Variants in MYO16 observed in about 807,000 individuals in gnomAD.
MYO16 encodes myosin XVI.
A neutral mutation model predicts 205.3 loss-of-function variants in MYO16; 94 were observed. That is an observed-to-expected ratio of 0.46 (90% confidence interval 0.39 to 0.54). The LOEUF is 0.54. MYO16 is among the 20% of genes least tolerant of loss of function. The pLI, the probability that MYO16 is intolerant of heterozygous loss-of-function variation, is 0.00. For synonymous variants in MYO16, 988 were observed against 954.0 expected, an observed-to-expected ratio of 1.04 and a Z score of -0.66; for missense variants, 2,315 against 2,387.5, an observed-to-expected ratio of 0.97 and a Z score of 0.63.
the MYO16 span, among the ~76,000 whole-genome samples, chr13:108,580,497 G>A: frequency 1.1e-4 from 16 of 151,942 alleles, no homozygotes; most frequent in Non-Finnish European, 2.2e-4. Context: ...CTCTTTTTGC[G>A]CTCAATTTAT....
intron 4 of MYO16, among the ~76,000 whole-genome samples, chr13:108,765,835 A>C (rs1885760797): frequency 6.6e-6 from 1 of 152,164 alleles, no homozygotes; most frequent in Admixed American, 6.5e-5. Flanking sequence ...CGTGTTCTAC[A>C]TCACTATTTA....
the MYO16 span, among the ~76,000 whole-genome samples, chr13:108,496,029 C>T: frequency 6.6e-6 from 1 of 152,130 alleles, no homozygotes. Context: ...TGTTCTGCAC[C>T]GCCGGGCTGG....
the MYO16 span, among the ~76,000 whole-genome samples, chr13:108,554,983 C>CTTAT: frequency 6.6e-5 from 10 of 151,526 alleles, no homozygotes; most frequent in Non-Finnish European, 1.2e-4. Context: ...ATACAGAAAC[C>CTTAT]TTATTTATTT....
Position 108,844,339 on chromosome 13 carries a change from G to A in MYO16, c.1098-4G>A, listed in dbSNP as rs751957724. 2.5e-6 allele frequency: 4 copies of A among 1,598,268 alleles called. No homozygotes were observed. In the South Asian group the frequency reaches 4.5e-5, roughly 18 times the overall value. ...AATTGTAGTATTGATTTTTTTTCCTGTAGCAGTCCCCTGGTGTTACCAATT... is the reference window on the plus strand; with the variant it reads ...AATTGTAGTATTGATTTTTTTTCCTATAGCAGTCCCCTGGTGTTACCAATT... On this transcript the variant is annotated splice_polypyrimidine_tract_variant and splice_region_variant and intron_variant, in intron 9 of 34. Coordinates refer to ENST00000457511, the MANE Select transcript of MYO16 (RefSeq NM_001198950.3).
At chr13:108,900,578 T>C (rs985087828) in intron 15 of MYO16, among the ~76,000 whole-genome samples, 1 of 152,348 alleles carries the variant, frequency 6.6e-6, no homozygotes, top group Admixed American at 6.5e-5. Context: ...ATTGTGAAGA[T>C]TTCATGGACA....
At chr13:108,607,861 C>T (rs927668552) in intron 1 of MYO16, among the ~76,000 whole-genome samples, 3 of 152,178 alleles carry the variant, frequency 2.0e-5, no homozygotes, top group Admixed American at 6.6e-5. Context: ...CTTCCAGCTG[C>T]CATGCTTCTG....
chr13:108,990,145 A>C (rs1312403900), intron 20 of MYO16, among the ~76,000 whole-genome samples: 1 of 63,288 alleles, frequency 1.6e-5, no homozygotes, highest in Non-Finnish European at 3.2e-5. Context: ...TCACACAGAC[A>C]ATACACACAC....
the MYO16 span, among the ~76,000 whole-genome samples, chr13:108,549,155 A>G: frequency 3.2e-3 from 484 of 152,316 alleles, 5 homozygotes; most frequent in African/African-American, 0.011. Flanking sequence ...CTTTGAGTAT[A>G]TTACTTCACA....
chr13:109,080,401 G>A (rs750324894), intron 27 of MYO16, among the ~76,000 whole-genome samples: 28 of 152,126 alleles, frequency 1.8e-4, no homozygotes, highest in Non-Finnish European at 2.8e-4. Flanking sequence ...TTGTTTGAAT[G>A]TGCATGGATT....
At chr13:108,909,933 A>G in intron 15 of MYO16, 70 bp from the exon 16 acceptor site, 1 of 1,440,868 alleles carries the variant, frequency 6.9e-7, no homozygotes, top group Non-Finnish European at 9.6e-7. Context: ...TAATTAATTA[A>G]TATGTGTTAA....
At chr13:108,588,695 G>C in the MYO16 span, among the ~76,000 whole-genome samples, 2 of 152,042 alleles carry the variant, frequency 1.3e-5, no homozygotes, top group East Asian at 1.9e-4. Context: ...TGGTGAATTG[G>C]ATATGAAAGA....
At chr13:108,848,469 A>G (rs1198814215) in intron 10 of MYO16, among the ~76,000 whole-genome samples, 1 of 152,178 alleles carries the variant, frequency 6.6e-6, no homozygotes, top group Non-Finnish European at 1.5e-5. Context: ...CTAAAACTCA[A>G]GTTTCAAACT....
rs113286616 is a variant in MYO16, at chr13:108,959,146, A to G, written c.2037+1347A>G. ...TGCTGCACCCACCCTTGCTGTTTTG[A>G]GAGACTGGAACTCGAGGAGCCTGCA... is the stretch of plus-strand genomic sequence containing the variant. On this transcript the variant is annotated intron_variant, in intron 17 of 34. Transcript: ENST00000457511. Among the ~76,000 whole-genome samples the G allele has an allele frequency of 3.7e-3, 561 of 152,162 alleles. 3 individuals carry two copies. The highest frequency in any genetic ancestry group is 0.012 in the African/African-American group (490 of 41,506).
chr13:108,715,211 C>T (rs34449552), intron 3 of MYO16, among the ~76,000 whole-genome samples: 46,602 of 152,200 alleles, frequency 0.31, 7,620 homozygotes, highest in Middle Eastern at 0.45. Flanking sequence ...GCTCCTGCTC[C>T]GTGTGCTCTT....
the MYO16 span, among the ~76,000 whole-genome samples, chr13:108,499,924 C>G: frequency 6.6e-6 from 1 of 152,144 alleles, no homozygotes; most frequent in Non-Finnish European, 1.5e-5. Flanking sequence ...TTCCTGAGCT[C>G]TCCTCAGCCT....
At chr13:108,623,587 T>A (rs1036317062) in intron 1 of MYO16, among the ~76,000 whole-genome samples, 1 of 152,206 alleles carries the variant, frequency 6.6e-6, no homozygotes, top group African/African-American at 2.4e-5. Flanking sequence ...ATTTCTTTCT[T>A]CTTCTCCTGT....
At chr13:108,496,053 G>T in the MYO16 span, among the ~76,000 whole-genome samples, 5 of 152,232 alleles carry the variant, frequency 3.3e-5, no homozygotes, top group South Asian at 1.0e-3. Flanking sequence ...CGCCGGGAGG[G>T]TGCCCCGGGT....
intron 4 of MYO16, among the ~76,000 whole-genome samples, chr13:108,753,514 C>T (rs1594266422): frequency 1.3e-5 from 2 of 151,868 alleles, no homozygotes; most frequent in East Asian, 3.9e-4. Flanking sequence ...CATTCCGTAA[C>T]CAAAAACATT....
Position 109,157,879 on chromosome 13 carries a change from C to CCGGT in MYO16, c.5165-7019_5165-7016dup, listed in dbSNP as rs528988432. On this transcript the variant is annotated intron_variant, in intron 32 of 34. Coordinates refer to ENST00000457511, the MANE Select transcript of MYO16 (RefSeq NM_001198950.3). ...TAGTCCCTTTTCTTCTTGCACTTAC[C>CCGGT]CGGTCGTCATAAATTCTTGTCATCT... Among the ~76,000 whole-genome samples the CCGGT allele has an allele frequency of 4.9e-4, 74 of 152,262 alleles. 1 individual carries two copies. The highest frequency in any genetic ancestry group is 8.4e-4 in the Non-Finnish European group (57 of 68,026).
Sources: allele counts gnomAD v4.1 joint callset (sites outside exome capture counted in the v4.1 genomes callset), GRCh38; gene constraint gnomAD v4.1.1; transcripts MANE v1.5; gene names NCBI Gene and HGNC (gene_info 2026-07-23, HGNC 2026-07-21).